CCDC81: variants seen among roughly 807,000 people sequenced by gnomAD.
CCDC81 encodes coiled-coil domain-containing protein 81.
Under a neutral mutation model 83.7 loss-of-function variants are expected in CCDC81, and 79 were observed. The observed-to-expected ratio is 0.94, with a 90% CI of 0.79 to 1.14. The LOEUF (loss-of-function observed/expected upper bound fraction) is 1.14. CCDC81 is among the 50% of genes most tolerant of loss of function. CCDC81 has a pLI of 0.00. For missense variants in CCDC81, 791 were observed against 778.1 expected (o/e 1.02, Z -0.20); for synonymous variants, 252 against 278.1 (o/e 0.91, Z 0.93).
chr11:86,380,452 G>A (rs1278490662), intron 1 of CCDC81, among the ~76,000 whole-genome samples: 1 of 152,094 alleles, frequency 6.6e-6, no homozygotes, highest in Non-Finnish European at 1.5e-5. Context: ...TATTTATCCA[G>A]CTTGGTGTTA....
In CCDC81 at chr11:86,386,065, TGG is replaced by T; in HGVS notation, c.98_99del (p.Gly33GlufsTer32). On this transcript the variant is annotated frameshift_variant, in exon 2 of 15. Transcript: ENST00000445632. LOFTEE classifies it high-confidence loss of function. The part of the protein sequence containing the change: ...SLSQEEVSII[W>X]GNVSEFVRRQ... Reference sequence around the variant, plus strand: ...TTGAATTTCAGAAGTCTCTATTATCTGGGGGAATGTATCAGAATTTGTGAGAC... The same window carrying T: ...TTGAATTTCAGAAGTCTCTATTATCTGGGAATGTATCAGAATTTGTGAGAC... 6.6e-7 allele frequency: 1 copy of T among 1,526,566 alleles called. No individual in the cohort carries two copies. Among genetic ancestry groups the T allele is most frequent in the Non-Finnish European group, 8.9e-7 (1 of 1,123,978 alleles). The allele number at this position is 1,526,566 out of a possible 1,614,324, so 94.6% of individuals were successfully genotyped here. A position where few individuals can be genotyped will look rare whatever the true frequency, so the allele number is the denominator to read the frequency against.
intron 8 of CCDC81, 25 bp downstream of exon 8, chr11:86,407,726 T>C (rs528714148): frequency 3.2e-6 from 5 of 1,545,552 alleles, no homozygotes; most frequent in African/African-American, 2.7e-5. Flanking sequence ...AACAAATAAG[T>C]CCCATCAGAA....
At chr11:86,404,671 T>G (rs977070832) in intron 7 of CCDC81, among the ~76,000 whole-genome samples, 1 of 152,170 alleles carries the variant, frequency 6.6e-6, no homozygotes, top group Non-Finnish European at 1.5e-5. Context: ...GAATATAGAA[T>G]AAGATGTTTA....
At position 86,419,829 on chromosome 11, in the gene CCDC81, CAGA is replaced by C. The variant is rs1333908039; in HGVS notation, c.1692-96_1692-94del. ...TATATTTCAGAGTAGTGAACAAAAC[CAGA>C]AGGTTTTTTTTGTTTAACATAAAAG... On this transcript the variant is annotated intron_variant, in intron 13 of 14. Coordinates refer to ENST00000445632, the MANE Select transcript of CCDC81 (RefSeq NM_001156474.2). The C allele has an allele frequency of 1.7e-5, 22 of 1,331,504 alleles. 1 individual carries two copies. Among genetic ancestry groups the C allele is most frequent in the Middle Eastern group, 4.0e-4 (2 of 4,964 alleles). 82.5% of individuals were successfully genotyped at this position (1,331,504 alleles called of 1,614,324 possible).
intron 5 of CCDC81, among the ~76,000 whole-genome samples, chr11:86,395,625 T>A (rs1427785600): frequency 6.6e-6 from 1 of 152,200 alleles, no homozygotes; most frequent in East Asian, 1.9e-4. Context: ...TATTCTTTTT[T>A]ATCCCCCCTC....
chr11:86,411,012 T>A (rs1948635406), intron 10 of CCDC81, among the ~76,000 whole-genome samples: 1 of 152,236 alleles, frequency 6.6e-6, no homozygotes. Context: ...CTTGCTCTCC[T>A]ATAATTTATT....
Position 86,422,929 on chromosome 11 carries a change from G to A in CCDC81, c.*214G>A. The A allele has an allele frequency of 3.6e-6, 2 of 549,868 alleles. No homozygotes were observed. Among genetic ancestry groups the A allele is most frequent in the South Asian group, 2.2e-5 (1 of 45,122 alleles). The allele number at this position is 549,868 out of a possible 1,614,324, so 34.1% of individuals were successfully genotyped here. The stretch of plus-strand genomic sequence containing the variant: ...TATACTAGTTTCTGATGGCAGTGAA[G>A]GTGTCTGAATGGTCCTGAGGGCTAG... On this transcript the variant is annotated 3_prime_UTR_variant, in exon 15 of 15. Transcript: ENST00000445632.
At chr11:86,410,285 A>C (rs777881460) in intron 10 of CCDC81, among the ~76,000 whole-genome samples, 25 of 152,192 alleles carry the variant, frequency 1.6e-4, no homozygotes, top group Non-Finnish European at 3.4e-4. Flanking sequence ...ATTCATCATC[A>C]AACATTTATT....
At chr11:86,387,253 C>T (rs1256956923) in intron 2 of CCDC81, among the ~76,000 whole-genome samples, 1 of 152,200 alleles carries the variant, frequency 6.6e-6, no homozygotes, top group East Asian at 1.9e-4. Flanking sequence ...ATGGCATTCA[C>T]ACCAATTTCT....
chr11:86,418,132 C>G (rs1948746074), intron 13 of CCDC81, among the ~76,000 whole-genome samples: 1 of 151,954 alleles, frequency 6.6e-6, no homozygotes, highest in South Asian at 2.1e-4. Context: ...ATTAACACCA[C>G]AAATTATTAT....
intron 13 of CCDC81, among the ~76,000 whole-genome samples, chr11:86,418,613 A>C (rs1482548434): frequency 2.0e-5 from 3 of 152,244 alleles, no homozygotes; most frequent in Non-Finnish European, 4.4e-5. Flanking sequence ...GAAATAAACA[A>C]GTCACAAAAA....
At chr11:86,396,422 C>T (rs954867668) in intron 5 of CCDC81, among the ~76,000 whole-genome samples, 1 of 152,126 alleles carries the variant, frequency 6.6e-6, no homozygotes, top group Admixed American at 6.5e-5. Context: ...ATCTTAATTG[C>T]TGTGCCATTA....
At chr11:86,379,777 G>A (rs1948151699) in intron 1 of CCDC81, among the ~76,000 whole-genome samples, 1 of 152,068 alleles carries the variant, frequency 6.6e-6, no homozygotes, top group African/African-American at 2.4e-5. Context: ...AGGAGTCCAG[G>A]ATCAGCATGG....
At chr11:86,420,775 T>C (rs1343089687) in intron 14 of CCDC81, among the ~76,000 whole-genome samples, 1 of 152,244 alleles carries the variant, frequency 6.6e-6, no homozygotes, top group Admixed American at 6.5e-5. Flanking sequence ...TGTAAAGCAT[T>C]TCTCACCTGT....
chr11:86,399,514 C>A (rs1322574576), intron 6 of CCDC81, among the ~76,000 whole-genome samples: 1 of 152,018 alleles, frequency 6.6e-6, no homozygotes, highest in Non-Finnish European at 1.5e-5. Flanking sequence ...CAGGGTTTTG[C>A]CATGTCGCCT....
At chr11:86,406,993 T>C (rs2138529064) in intron 7 of CCDC81, among the ~76,000 whole-genome samples, 1 of 152,214 alleles carries the variant, frequency 6.6e-6, no homozygotes, top group South Asian at 2.1e-4. Flanking sequence ...CTGCACTGGT[T>C]TGTTTGCTTG....
At chr11:86,392,841 G>A (rs1023613612) in intron 4 of CCDC81, 44 bp downstream of exon 4, 25 of 1,523,152 alleles carry the variant, frequency 1.6e-5, no homozygotes, top group Middle Eastern at 3.4e-4. Flanking sequence ...CCTAATTGTG[G>A]TTCTGACTCA....
rs139121715 is a variant in CCDC81 at position 86,420,150 on chromosome 11, G to A, written c.1817+97G>A. On this transcript the variant is annotated intron_variant, in intron 14 of 14. Coordinates refer to ENST00000445632, the MANE Select transcript of CCDC81 (RefSeq NM_001156474.2). Reference sequence around the variant, plus strand: ...ACTTGATTAGCAGTGGCTGCCTAGAGAACCTTGTGGAGAAAGCAAGTCTGT... The same window carrying A: ...ACTTGATTAGCAGTGGCTGCCTAGAAAACCTTGTGGAGAAAGCAAGTCTGT... The A allele has an allele frequency of 6.2e-4, 872 of 1,406,774 alleles. 9 individuals are homozygous for A. The African/African-American group carries it at 0.012, about 19-fold the overall frequency. The allele number at this position is 1,406,774 out of a possible 1,614,324, so 87.1% of individuals were successfully genotyped here. A position where few individuals can be genotyped will look rare whatever the true frequency, so the allele number is the denominator to read the frequency against.
intron 4 of CCDC81, among the ~76,000 whole-genome samples, chr11:86,393,474 G>A (rs191081875): frequency 2.6e-4 from 39 of 152,328 alleles, no homozygotes; most frequent in African/African-American, 8.9e-4. Context: ...GGGGCTCAGA[G>A]AGGCTATGTG....
Sources: gnomAD v4.1 joint callset for allele counts (sites outside exome capture counted in the v4.1 genomes callset) on GRCh38, gnomAD v4.1.1 for gene constraint, MANE v1.5 for transcripts, NCBI Gene and HGNC (gene_info 2026-07-23, HGNC 2026-07-21) for gene names.